Variants in SERTM2 observed in about 807,000 individuals in gnomAD.
SERTM2 encodes the protein serine-rich and transmembrane domain-containing protein 2.
Position 111,514,148 on chromosome X carries a change from A to G in SERTM2, c.-784+2054A>G, listed in dbSNP as rs188199731. ...GAATTTAGTCTCCAATAAGAAATTG[A>G]ACAGTGGGGGAAGGGAATAAAAAGA... On this transcript the variant is annotated intron_variant, in intron 2 of 2. Transcript: ENST00000569275. Among the ~76,000 whole-genome samples, 402 of 111,609 alleles carry G rather than the reference A, an allele frequency of 3.6e-3. 1 individual carries two copies. The highest frequency in any genetic ancestry group is 4.8e-3 in the Non-Finnish European group (252 of 52,907).
intron 2 of SERTM2, among the ~76,000 whole-genome samples, 194 bp downstream of exon 2, chrX:111,512,288 G>A (rs182061990): frequency 6.5e-4 from 73 of 112,003 alleles, no homozygotes; most frequent in South Asian, 2.6e-3. Flanking sequence ...TTCACAGGGT[G>A]ATGTGGAACT....
Position 111,519,052 on chromosome X carries a change from G to A in SERTM2, c.195G>A (p.Ser65=), listed in dbSNP as rs1339224120. 2 of 295,016 alleles carry A rather than the reference G, an allele frequency of 6.8e-6. No individual in the cohort carries two copies. Among genetic ancestry groups the A allele is most frequent in the African/African-American group, 5.5e-5 (2 of 36,107 alleles). 24.3% of individuals were successfully genotyped at this position (295,016 alleles called of 1,213,427 possible). Reference sequence around the variant, plus strand: ...TCCTTCGGCTCAAACATGTCATCTCGCCCATCAACTCTGACAGCACAGAAA... The same window carrying A: ...TCCTTCGGCTCAAACATGTCATCTCACCCATCAACTCTGACAGCACAGAAA... ...TMLLRLKHVI[S]PINSDSTESV... Residue 65 remains serine, a synonymous_variant, in exon 3 of 3, where the codon TCG becomes TCA. Transcript: ENST00000569275.
intron 2 of SERTM2, among the ~76,000 whole-genome samples, chrX:111,517,673 A>AT (rs11378226): frequency 0.16 from 16,416 of 103,969 alleles, 3,380 homozygotes; most frequent in African/African-American, 0.54. Flanking sequence ...ATGGGTGGCT[A>AT]TTTTTTTTTT....
At chrX:111,514,843 T>C (rs1930282602) in intron 2 of SERTM2, among the ~76,000 whole-genome samples, 1 of 111,371 alleles carries the variant, frequency 9.0e-6, no homozygotes, top group African/African-American at 3.3e-5. Context: ...GGTATATTTT[T>C]TATAAAGTTC....
chrX:111,512,379 A>G (rs777737939), intron 2 of SERTM2, among the ~76,000 whole-genome samples: 6 of 112,182 alleles, frequency 5.3e-5, no homozygotes, highest in African/African-American at 1.6e-4. Context: ...TTAAAAGCTG[A>G]TATCAGTTGA....
At position 111,518,770 on chromosome X, in the gene SERTM2, T is replaced by C. The variant is rs995990633; in HGVS notation, c.-88T>C. 10 of 294,647 alleles carry C rather than the reference T, an allele frequency of 3.4e-5. No homozygotes were observed. Among genetic ancestry groups the C allele is most frequent in the African/African-American group, 8.3e-5 (3 of 36,177 alleles). 24.3% of individuals were successfully genotyped at this position (294,647 alleles called of 1,213,427 possible). Reference sequence around the variant, plus strand: ...TACCAGATTGTTAGAACACGTCCAATAGATTTAGAGACAGTCTAAGTGACT... The same window carrying C: ...TACCAGATTGTTAGAACACGTCCAACAGATTTAGAGACAGTCTAAGTGACT... On this transcript the variant is annotated 5_prime_UTR_variant, in exon 3 of 3. Transcript: ENST00000569275.
At chrX:111,515,545 C>T (rs1443905766) in intron 2 of SERTM2, among the ~76,000 whole-genome samples, 1 of 111,555 alleles carries the variant, frequency 9.0e-6, no homozygotes, top group East Asian at 2.8e-4. Context: ...TGTTTCTCAG[C>T]CCTGGCTGCA....
chrX:111,514,149 A>G (rs1192473872), intron 2 of SERTM2, among the ~76,000 whole-genome samples: 2 of 111,657 alleles, frequency 1.8e-5, no homozygotes, highest in African/African-American at 6.5e-5. Context: ...AAGAAATTGA[A>G]CAGTGGGGGA....
rs1055481462 is a variant in SERTM2, at chrX:111,518,538, C to T, written c.-320C>T. 4.7e-6 allele frequency: 1 copy of T among 214,383 alleles called. No homozygotes were observed. 17.7% of individuals were successfully genotyped at this position (214,383 alleles called of 1,213,427 possible). A position where few individuals can be genotyped will look rare whatever the true frequency, so the allele number is the denominator to read the frequency against. ...ATAACAGTATTATAAAGCAGTTTCA[C>T]CCATATTTATTTTAATCAGTATAAA... is the stretch of plus-strand genomic sequence containing the variant. On this transcript the variant is annotated 5_prime_UTR_variant, in exon 3 of 3. Coordinates refer to ENST00000569275, the MANE Select transcript of SERTM2 (RefSeq NM_001354473.2).
chrX:111,519,188 A>G lies in SERTM2; in HGVS notation c.*58A>G, dbSNP rs1205638491. 3.4e-6 allele frequency: 1 copy of G among 295,033 alleles called. No homozygotes were observed. The highest frequency in any genetic ancestry group is 2.7e-5 in the African/African-American group (1 of 36,485). 24.3% of individuals were successfully genotyped at this position (295,033 alleles called of 1,213,427 possible). A position where few individuals can be genotyped will look rare whatever the true frequency, so the allele number is the denominator to read the frequency against. On this transcript the variant is annotated 3_prime_UTR_variant, in exon 3 of 3. Coordinates refer to ENST00000569275, the MANE Select transcript of SERTM2 (RefSeq NM_001354473.2). ...GGTAAACCCTTATATATGGATGTCC[A>G]GGAGAGCTTGCTTTCTTGCATGAAG...
At chrX:111,516,414 T>C (rs1157621844) in intron 2 of SERTM2, among the ~76,000 whole-genome samples, 1 of 109,730 alleles carries the variant, frequency 9.1e-6, no homozygotes, top group East Asian at 2.9e-4. Flanking sequence ...ACCAATAAGA[T>C]AGATTAGCTG....
rs1930374125 is a variant in SERTM2 at position 111,519,428 on chromosome X, T to A, written c.*298T>A. On this transcript the variant is annotated 3_prime_UTR_variant, in exon 3 of 3. Coordinates refer to ENST00000569275, the MANE Select transcript of SERTM2 (RefSeq NM_001354473.2). ...TTGCACAAACCTCAGACCACAGAAA[T>A]TCATGCGCAGTGGTTGTAAGAAGCA... The A allele has an allele frequency of 6.2e-6, 1 of 160,839 alleles. No individual in the cohort carries two copies. The highest frequency in any genetic ancestry group is 1.2e-5 in the Non-Finnish European group (1 of 85,322). 13.3% of individuals were successfully genotyped at this position (160,839 alleles called of 1,213,427 possible).
intron 2 of SERTM2, among the ~76,000 whole-genome samples, chrX:111,513,210 G>A (rs1930258608): frequency 9.4e-6 from 1 of 106,764 alleles, no homozygotes; most frequent in African/African-American, 3.4e-5. Flanking sequence ...ATCCCTCATA[G>A]TCTTTACTCA....
At chrX:111,514,036 T>C (rs1235478327) in intron 2 of SERTM2, among the ~76,000 whole-genome samples, 1 of 111,740 alleles carries the variant, frequency 8.9e-6, no homozygotes, top group Non-Finnish European at 1.9e-5. Context: ...CCATGTAGTT[T>C]TCCTTTAAAA....
intron 2 of SERTM2, among the ~76,000 whole-genome samples, chrX:111,514,874 C>T (rs940271300): frequency 9.2e-5 from 10 of 108,925 alleles, no homozygotes; most frequent in African/African-American, 3.4e-4. Context: ...ATACTAACAT[C>T]GTTTAGGCAT....
Position 111,520,815 on chromosome X carries a change from G to A in SERTM2, c.*1685G>A, listed in dbSNP as rs915002696. On this transcript the variant is annotated 3_prime_UTR_variant, in exon 3 of 3. Transcript: ENST00000569275. ...ATCATTCAAAACAAATTAGCAGATAGGCTAAGACTTGGATAGGGCATATAT... is the reference window on the plus strand; with the variant it reads ...ATCATTCAAAACAAATTAGCAGATAAGCTAAGACTTGGATAGGGCATATAT... 12 of 112,318 alleles carry A rather than the reference G, an allele frequency of 1.1e-4. No homozygotes were observed. Among genetic ancestry groups the A allele is most frequent in the African/African-American group, 1.9e-4 (6 of 30,878 alleles). 9.3% of individuals were successfully genotyped at this position (112,318 alleles called of 1,213,427 possible). A position where few individuals can be genotyped will look rare whatever the true frequency, so the allele number is the denominator to read the frequency against.
intron 2 of SERTM2, among the ~76,000 whole-genome samples, chrX:111,515,793 G>GA (rs1380095246): frequency 3.6e-5 from 4 of 110,455 alleles, no homozygotes; most frequent in Non-Finnish European, 3.8e-5. Flanking sequence ...TCTAATCTAA[G>GA]AAAAAAGGGA....
In SERTM2 at chrX:111,520,378, C is replaced by T. The variant is rs1602408895; in HGVS notation, c.*1248C>T. On this transcript the variant is annotated 3_prime_UTR_variant, in exon 3 of 3. Coordinates refer to ENST00000569275, the MANE Select transcript of SERTM2 (RefSeq NM_001354473.2). ...ATTTAAAAAACTGGTCATATTCTTG[C>T]CACCAAAGGACGAGTACACCTGTGT... 9.0e-6 allele frequency: 1 copy of T among 111,491 alleles called. No individual in the cohort carries two copies. Among genetic ancestry groups the T allele is most frequent in the South Asian group, 3.8e-4 (1 of 2,612 alleles). 9.2% of individuals were successfully genotyped at this position (111,491 alleles called of 1,213,427 possible).
rs958057875 is a variant in SERTM2, at chrX:111,518,985, T to G, written c.128T>G (p.Leu43Arg). The stretch of plus-strand genomic sequence containing the variant: ...CTGTACATGTATGTGGGCTTATTCC[T>G]GAGCCTCCTGGCCATTCTCCTCATC... ...SNLYMYVGLF[L>R]SLLAILLILL... is the part of the protein sequence containing the mutation. The change falls in exon 3 of 3, where the codon CTG becomes CGG. Residue 43 changes from leucine to arginine, a missense_variant. By Grantham distance (102) the Leu-to-Arg change is moderately radical. Transcript: ENST00000569275. The G allele has an allele frequency of 4.4e-5, 13 of 295,901 alleles. No individual in the cohort carries two copies. Among genetic ancestry groups the G allele is most frequent in the African/African-American group, 3.6e-4 (13 of 36,402 alleles). The allele number at this position is 295,901 out of a possible 1,213,427, so 24.4% of individuals were successfully genotyped here.
Sources: gnomAD v4.1 joint callset for allele counts (sites outside exome capture counted in the v4.1 genomes callset) on GRCh38, gnomAD v4.1.1 for gene constraint, MANE v1.5 for transcripts, NCBI Gene and HGNC (gene_info 2026-07-23, HGNC 2026-07-21) for gene names.